Variants in RAB3B observed in about 807,000 individuals in gnomAD.
The protein encoded by RAB3B is ras-related protein Rab-3B.
Under a neutral mutation model 20.5 loss-of-function variants are expected in RAB3B, and 11 were observed. The ratio of observed to expected loss-of-function variants is 0.54; its 90% CI spans 0.34 to 0.89. The LOEUF (loss-of-function observed/expected upper bound fraction) is 0.89. Among genes scored for constraint, RAB3B ranks in the 40% least tolerant of loss-of-function variants. The pLI is 0.02. For missense variants in RAB3B, 225 were observed against 280.9 expected, an observed-to-expected ratio of 0.80 and a Z score of 1.42; for synonymous variants, 99 against 106.3, an observed-to-expected ratio of 0.93 and a Z score of 0.42.
rs1242512265 is a variant in RAB3B, at chr1:51,915,024, C to G, written c.*4903G>C. ...ATTTAACTCTAAGAATCCTTGGGAG[C>G]CTGGTACTACCAGAGGGTATATCCC... On this transcript the variant is annotated 3_prime_UTR_variant, in exon 5 of 5. Transcript: ENST00000371655. 6.6e-6 allele frequency: 1 copy of G among 152,074 alleles called. No individual in the cohort carries two copies. The highest frequency in any genetic ancestry group is 1.5e-5 in the Non-Finnish European group (1 of 68,020). 9.4% of individuals were successfully genotyped at this position (152,074 alleles called of 1,614,324 possible).
intron 1 of RAB3B, among the ~76,000 whole-genome samples, chr1:51,985,971 G>A (rs1266585038): frequency 6.6e-6 from 1 of 152,072 alleles, no homozygotes; most frequent in Non-Finnish European, 1.5e-5. Flanking sequence ...AGGTTTGACG[G>A]GATTAAGGAA....
intron 2 of RAB3B, among the ~76,000 whole-genome samples, chr1:51,950,012 C>G (rs774969967): frequency 2.0e-5 from 3 of 152,174 alleles, no homozygotes; most frequent in Non-Finnish European, 4.4e-5. Flanking sequence ...AATGTGGGGT[C>G]TCTCACCCAA....
chr1:51,941,016 G>T (rs1398921820), intron 2 of RAB3B, among the ~76,000 whole-genome samples: 1 of 152,088 alleles, frequency 6.6e-6, no homozygotes, highest in African/African-American at 2.4e-5. Flanking sequence ...ATATGCTGAG[G>T]AGGAAAACTG....
Position 51,917,969 on chromosome 1 carries a change from G to A in RAB3B, c.*1958C>T, listed in dbSNP as rs1451694167. 4 of 152,228 alleles carry A rather than the reference G, an allele frequency of 2.6e-5. No homozygotes were observed. The highest frequency in any genetic ancestry group is 5.9e-5 in the Non-Finnish European group (4 of 68,036). 9.4% of individuals were successfully genotyped at this position (152,228 alleles called of 1,614,324 possible). A position where few individuals can be genotyped will look rare whatever the true frequency, so the allele number is the denominator to read the frequency against. On this transcript the variant is annotated 3_prime_UTR_variant, in exon 5 of 5. Transcript: ENST00000371655. ...CTCCTCCTGCCCGCTGACTTTTGAGGTGGCTGAGGATTCAGGCCATGATAG... is the reference window on the plus strand; with the variant it reads ...CTCCTCCTGCCCGCTGACTTTTGAGATGGCTGAGGATTCAGGCCATGATAG...
intron 3 of RAB3B, 27 bp downstream of exon 3, chr1:51,937,267 A>G: frequency 6.6e-7 from 1 of 1,506,106 alleles, no homozygotes; most frequent in Non-Finnish European, 9.2e-7. Flanking sequence ...AGTTTGTTAA[A>G]TGAATGAATG....
At chr1:51,973,569 T>C (rs1482518396) in intron 2 of RAB3B, 3 of 152,218 alleles carry the variant, frequency 2.0e-5, no homozygotes, top group Non-Finnish European at 4.4e-5. Context: ...TGAACTTGTG[T>C]TGGGAGTTGG....
chr1:51,928,543 C>G (rs189362480), intron 4 of RAB3B, among the ~76,000 whole-genome samples: 146 of 152,344 alleles, frequency 9.6e-4, no homozygotes, highest in African/African-American at 3.4e-3. Flanking sequence ...GGCAAAGATA[C>G]CACTGAAACT....
At chr1:51,920,246 G>A (rs1436130691) in intron 4 of RAB3B, 132 bp from the exon 5 acceptor site, 7 of 744,032 alleles carry the variant, frequency 9.4e-6, no homozygotes, top group Admixed American at 6.2e-5. Context: ...TAAATTCCAC[G>A]GACATGGGAT....
At chr1:51,972,343 A>T (rs965585748) in intron 2 of RAB3B, among the ~76,000 whole-genome samples, 2 of 152,044 alleles carry the variant, frequency 1.3e-5, no homozygotes, top group African/African-American at 2.4e-5. Context: ...TCTAGTTCCA[A>T]ATCTCTCTCT....
chr1:51,926,424 T>C (rs1164681048), intron 4 of RAB3B, among the ~76,000 whole-genome samples: 1 of 152,204 alleles, frequency 6.6e-6, no homozygotes, highest in Non-Finnish European at 1.5e-5. Flanking sequence ...TTTGATTATG[T>C]GACTTGCTTT....
chr1:51,963,136 G>T (rs955690592), intron 2 of RAB3B, among the ~76,000 whole-genome samples: 1 of 151,950 alleles, frequency 6.6e-6, no homozygotes, highest in Non-Finnish European at 1.5e-5. Context: ...ATTGATCTCT[G>T]ACCCCACCTC....
Position 51,910,758 on chromosome 1 carries a change from T to A in RAB3B, c.*9169A>T, listed in dbSNP as rs1683986639. On this transcript the variant is annotated 3_prime_UTR_variant, in exon 5 of 5. Coordinates refer to ENST00000371655, the MANE Select transcript of RAB3B (RefSeq NM_002867.4). ...GGTCTAAGCTCCTGAAGCCCAGAGA[T>A]AAGAATGACTTAACCCAAGCTGCAC... is the stretch of plus-strand genomic sequence containing the variant. 1 of 152,122 alleles carries A rather than the reference T, an allele frequency of 6.6e-6. No homozygotes were observed. The highest frequency in any genetic ancestry group is 6.6e-5 in the Admixed American group (1 of 15,256). The allele number at this position is 152,122 out of a possible 1,614,324, so 9.4% of individuals were successfully genotyped here.
rs60661761 is a variant in RAB3B at position 51,989,208 on chromosome 1, T to TTGTGTGTGTGTGTGTGTGTGTGTG, written c.-1+1320_-1+1343dup. On this transcript the variant is annotated intron_variant, in intron 1 of 4. Transcript: ENST00000371655. ...CCGGGGGAAGAGGGCCCATCTTGTT[T>TTGTGTGTGTGTGTGTGTGTGTGTG]TGTGTGTGTGTGTGTGTGTGTGTGT... Among the ~76,000 whole-genome samples the TTGTGTGTGTGTGTGTGTGTGTGTG allele has an allele frequency of 7.0e-5, 7 of 99,870 alleles. 1 individual carries two copies. The highest frequency in any genetic ancestry group is 2.6e-4 in the African/African-American group (6 of 23,168). 65.5% of individuals were successfully genotyped at this position (99,870 alleles called of 152,430 possible). A position where few individuals can be genotyped will look rare whatever the true frequency, so the allele number is the denominator to read the frequency against.
chr1:51,913,336 C>T lies in RAB3B; in HGVS notation c.*6591G>A, dbSNP rs984678577. The T allele has an allele frequency of 2.0e-5, 3 of 152,132 alleles. No homozygotes were observed. The highest frequency in any genetic ancestry group is 2.9e-5 in the Non-Finnish European group (2 of 68,046). The allele number at this position is 152,132 out of a possible 1,614,324, so 9.4% of individuals were successfully genotyped here. A position where few individuals can be genotyped will look rare whatever the true frequency, so the allele number is the denominator to read the frequency against. ...TGCCACTTGTCTTTGGTGATATCAT[C>T]GGAGCCATGTTTTAAGACCCCAGGA... is the stretch of plus-strand genomic sequence containing the variant. On this transcript the variant is annotated 3_prime_UTR_variant, in exon 5 of 5. Transcript: ENST00000371655.
rs1684854722 is a variant in RAB3B at position 51,966,588 on chromosome 1, T to C, written c.228+10302A>G. The stretch of plus-strand genomic sequence containing the variant: ...GAAAATTACAGAGGCCAACTAAGCC[T>C]GATTTGACTCCCCATGGTCTTTGTT... On this transcript the variant is annotated intron_variant, in intron 2 of 4. Transcript: ENST00000371655. Among the ~76,000 whole-genome samples, 3 of 152,214 alleles carry C rather than the reference T, an allele frequency of 2.0e-5. No individual in the cohort carries two copies. The South Asian group carries it at 6.2e-4, about 32-fold the overall frequency.
intron 2 of RAB3B, among the ~76,000 whole-genome samples, chr1:51,954,876 G>C (rs991336368): frequency 1.6e-4 from 25 of 152,330 alleles, no homozygotes; most frequent in Non-Finnish European, 1.9e-4. Flanking sequence ...TAGTAGACAG[G>C]AGAGGAAGTA....
rs987054554 is a variant in RAB3B at position 51,910,954 on chromosome 1, G to T, written c.*8973C>A. On this transcript the variant is annotated 3_prime_UTR_variant, in exon 5 of 5. Transcript: ENST00000371655. The stretch of plus-strand genomic sequence containing the variant: ...AAGTCTTTTATTCAAGTCTCCCAGA[G>T]ATTTCCTATTTAAGCGTTTGCTATT... 1.3e-5 allele frequency: 2 copies of T among 152,190 alleles called. No individual in the cohort carries two copies. Among genetic ancestry groups the T allele is most frequent in the Middle Eastern group, 3.2e-3 (1 of 316 alleles). 9.4% of individuals were successfully genotyped at this position (152,190 alleles called of 1,614,324 possible). A position where few individuals can be genotyped will look rare whatever the true frequency, so the allele number is the denominator to read the frequency against.
At chr1:51,963,185 T>C (rs1684805779) in intron 2 of RAB3B, among the ~76,000 whole-genome samples, 2 of 152,216 alleles carry the variant, frequency 1.3e-5, no homozygotes, top group Non-Finnish European at 2.9e-5. Context: ...GACCTTATCA[T>C]TACCAATAGT....
At chr1:51,957,798 A>G (rs1313388664) in intron 2 of RAB3B, among the ~76,000 whole-genome samples, 2 of 152,180 alleles carry the variant, frequency 1.3e-5, no homozygotes, top group Non-Finnish European at 2.9e-5. Context: ...CAGGGCTAGG[A>G]ACCACCTGAG....
Sources: gnomAD v4.1 joint callset for allele counts (sites outside exome capture counted in the v4.1 genomes callset) on GRCh38, gnomAD v4.1.1 for gene constraint, MANE v1.5 for transcripts, NCBI Gene and HGNC (gene_info 2026-07-23, HGNC 2026-07-21) for gene names.